Variants in ANTXR2 observed in about 807,000 individuals in gnomAD.
ANTXR2 encodes the protein ANTXR cell adhesion molecule 2.
A neutral mutation model predicts 73.7 loss-of-function variants in ANTXR2; 44 were observed. That is an observed-to-expected ratio of 0.60 (90% CI 0.47 to 0.77). The LOEUF is 0.77. Ranked by LOEUF, ANTXR2 falls within the 30% of genes least tolerant of loss-of-function variation. ANTXR2 has a pLI of 0.00. For missense variants in ANTXR2, 604 were observed against 592.5 expected (o/e 1.02, Z -0.20); for synonymous variants, 217 against 205.9 (o/e 1.05, Z -0.46).
intron 12 of ANTXR2, among the ~76,000 whole-genome samples, chr4:79,995,966 A>G (rs937180698): frequency 3.9e-5 from 6 of 151,994 alleles, no homozygotes. Flanking sequence ...ATTAACAGGA[A>G]CCACCCTTTA....
chr4:80,003,240 G>C (rs1731138611), intron 12 of ANTXR2, among the ~76,000 whole-genome samples: 1 of 151,916 alleles, frequency 6.6e-6, no homozygotes, highest in Admixed American at 6.6e-5. Context: ...CATAAAAAAT[G>C]ATGAGTTCAT....
chr4:80,060,077 CA>C (rs1734174796), intron 3 of ANTXR2, among the ~76,000 whole-genome samples: 1 of 150,704 alleles, frequency 6.6e-6, no homozygotes, highest in African/African-American at 2.4e-5. Flanking sequence ...GGATTTCAGT[CA>C]ATGAGTCTAC....
rs149172619 is a variant in ANTXR2 at position 80,026,931 on chromosome 4, A to G, written c.866+4692T>C. Among the ~76,000 whole-genome samples, 484 of 152,284 alleles carry G rather than the reference A, an allele frequency of 3.2e-3. 2 individuals carry two copies. The highest frequency in any genetic ancestry group is 5.2e-3 in the Non-Finnish European group (354 of 68,010). ...AATACTTAGGATGAAGAGGCAATGC[A>G]GATGAGGTGAACTTATCACATTGAT... On this transcript the variant is annotated intron_variant, in intron 10 of 16. Transcript: ENST00000403729.
At position 80,072,541 on chromosome 4, in the gene ANTXR2, G is replaced by T. The variant is rs761810056; in HGVS notation, c.20C>A (p.Pro7Gln). Reference protein sequence around the residue: MVAERSPARSPGSWLFP... With the variant: MVAERSQARSPGSWLFP... ...CAGCCAGCTCCCGGGGCTGCGGGCC[G>T]GGGACCGCTCCGCCACCATCCTGCG... The change falls in exon 1 of 17, where the codon CCG becomes CAG. Residue 7 changes from proline to glutamine, a missense_variant. Coordinates refer to ENST00000403729, the MANE Select transcript of ANTXR2 (RefSeq NM_058172.6). The T allele has an allele frequency of 1.3e-6, 2 of 1,581,942 alleles. No individual in the cohort carries two copies. The highest frequency in any genetic ancestry group is 3.6e-5 in the Admixed American group (2 of 55,582).
chr4:80,019,645 A>G (rs1578161004), intron 10 of ANTXR2, among the ~76,000 whole-genome samples: 2 of 152,204 alleles, frequency 1.3e-5, no homozygotes, highest in East Asian at 3.8e-4. Flanking sequence ...AGAATATAAA[A>G]CTGGAAGCAA....
chr4:79,955,281 ATTATT>A (rs1216184087), intron 16 of ANTXR2, among the ~76,000 whole-genome samples: 1 of 152,166 alleles, frequency 6.6e-6, no homozygotes, highest in Non-Finnish European at 1.5e-5. Flanking sequence ...TTATTTTCAA[ATTATT>A]TTAAAGTGTA....
At chr4:79,998,233 A>G (rs550440079) in intron 12 of ANTXR2, among the ~76,000 whole-genome samples, 5 of 152,130 alleles carry the variant, frequency 3.3e-5, no homozygotes, top group Admixed American at 1.3e-4. Context: ...AAAAAAGACC[A>G]TTTGTAAATG....
At chr4:80,069,178 T>C (rs1367418198) in intron 3 of ANTXR2, among the ~76,000 whole-genome samples, 2 of 150,476 alleles carry the variant, frequency 1.3e-5, no homozygotes, top group Non-Finnish European at 2.9e-5. Context: ...CCGGGGAAGG[T>C]AGGAAGTGGT....
At chr4:79,952,729 G>C (rs1322976948) in intron 16 of ANTXR2, among the ~76,000 whole-genome samples, 1 of 151,656 alleles carries the variant, frequency 6.6e-6, no homozygotes, top group African/African-American at 2.4e-5. Flanking sequence ...TAGAAAAACT[G>C]TTTGCTCTAA....
chr4:79,984,004 T>C (rs751217928), intron 13 of ANTXR2, 34 bp from the exon 14 acceptor site: 7 of 1,413,688 alleles, frequency 5.0e-6, no homozygotes, highest in Non-Finnish European at 5.8e-6. Flanking sequence ...AGTTTTTAAT[T>C]AATTTCTTAA....
intron 16 of ANTXR2, among the ~76,000 whole-genome samples, chr4:79,966,691 T>G (rs1183008946): frequency 6.6e-6 from 1 of 152,148 alleles, no homozygotes; most frequent in Non-Finnish European, 1.5e-5. Context: ...ATTATATCAC[T>G]GCCCCATGCA....
intron 11 of ANTXR2, among the ~76,000 whole-genome samples, chr4:80,015,585 T>A (rs1241361279): frequency 6.6e-6 from 1 of 152,006 alleles, no homozygotes; most frequent in Admixed American, 6.6e-5. Flanking sequence ...TAAAACCATA[T>A]TATTATTTAT....
At chr4:80,072,098 G>T (rs903694096) in intron 1 of ANTXR2, among the ~76,000 whole-genome samples, 1 of 152,118 alleles carries the variant, frequency 6.6e-6, no homozygotes, top group African/African-American at 2.4e-5. Context: ...AGGACTCTGT[G>T]GCCGATGGAG....
intron 7 of ANTXR2, among the ~76,000 whole-genome samples, chr4:80,050,039 G>A (rs894237085): frequency 6.6e-6 from 1 of 151,672 alleles, no homozygotes; most frequent in African/African-American, 2.4e-5. Context: ...GCGAAAGACA[G>A]AATCCCAGTG....
intron 12 of ANTXR2, among the ~76,000 whole-genome samples, chr4:79,988,329 C>CA (rs923528568): frequency 8.0e-6 from 1 of 125,680 alleles, no homozygotes; most frequent in African/African-American, 3.1e-5. Context: ...AAACAGAAAA[C>CA]AAAAAAATAA....
intron 3 of ANTXR2, among the ~76,000 whole-genome samples, chr4:80,057,551 G>A (rs758088789): frequency 1.3e-5 from 2 of 151,668 alleles, no homozygotes; most frequent in African/African-American, 2.4e-5. Flanking sequence ...CTCTTTCCTG[G>A]TTCACTCATC....
At chr4:79,979,923 G>T (rs1355049101) in intron 14 of ANTXR2, among the ~76,000 whole-genome samples, 1 of 152,114 alleles carries the variant, frequency 6.6e-6, no homozygotes, top group Non-Finnish European at 1.5e-5. Flanking sequence ...GGTAGAAAGA[G>T]AAGTAGATAC....
intron 12 of ANTXR2, among the ~76,000 whole-genome samples, chr4:79,987,420 CA>C (rs565189151): frequency 5.4e-5 from 8 of 148,690 alleles, no homozygotes; most frequent in South Asian, 2.1e-4. Flanking sequence ...TCAATGCAGG[CA>C]AAAAAAAATT....
intron 16 of ANTXR2, among the ~76,000 whole-genome samples, chr4:79,960,351 G>T (rs1260016680): frequency 6.6e-6 from 1 of 152,042 alleles, no homozygotes; most frequent in African/African-American, 2.4e-5. Flanking sequence ...ATACTAACCT[G>T]CTTACTAAGA....
Sources: gnomAD v4.1 joint callset for allele counts (sites outside exome capture counted in the v4.1 genomes callset) on GRCh38, gnomAD v4.1.1 for gene constraint, MANE v1.5 for transcripts, NCBI Gene and HGNC (gene_info 2026-07-23, HGNC 2026-07-21) for gene names.